The following EHF variants were observed in gnomAD, a reference collection of about 807,000 sequenced individuals.
EHF encodes the protein ESE3 transcription factor.
Under a neutral mutation model 45.1 loss-of-function variants are expected in EHF, and 14 were observed. That is an observed-to-expected ratio of 0.31 (90% CI 0.21 to 0.49). The LOEUF (loss-of-function observed/expected upper bound fraction) is 0.49. EHF is among the 20% of genes least tolerant of loss of function. The probability of loss-of-function intolerance (pLI) is 0.99; values close to 1 mark genes in which losing one functional copy is unlikely to be tolerated. For synonymous variants in EHF, 136 were observed against 131.8 expected (o/e 1.03, Z -0.22); for missense variants, 282 against 371.4 (o/e 0.76, Z 1.98).
intron 1 of EHF, chr11:34,622,315 G>T (rs1237690152): frequency 2.6e-6 from 2 of 757,330 alleles, no homozygotes; most frequent in East Asian, 7.5e-5. Flanking sequence ...GTCTCTGCTG[G>T]TTATCTGCAC....
chr11:34,646,843 G>C, intron 3 of EHF, 159 bp downstream of exon 3: 1 of 963,074 alleles, frequency 1.0e-6, no homozygotes. Flanking sequence ...AAGATGAAAG[G>C]ACAGGATTGA....
rs1840893750 is a variant in EHF, at chr11:34,641,531, G to A, written c.-3-1097G>A. 2.0e-5 allele frequency among the ~76,000 whole-genome samples: 3 copies of A among 152,260 alleles called. No individual in the cohort carries two copies. The South Asian group carries it at 6.2e-4, about 32-fold the overall frequency. On this transcript the variant is annotated intron_variant, in intron 1 of 8. Coordinates refer to ENST00000257831, the MANE Select transcript of EHF (RefSeq NM_012153.6). ...GTGGACATTGGTAATACCCGAGGAT[G>A]CAAAATTTCCCCAAAACAAGCAGAA... is the stretch of plus-strand genomic sequence containing the variant.
intron 1 of EHF, among the ~76,000 whole-genome samples, chr11:34,637,353 T>C (rs1853538421): frequency 6.6e-6 from 1 of 152,156 alleles, no homozygotes; most frequent in Non-Finnish European, 1.5e-5. Context: ...CTGGGATGTG[T>C]CTCTGTGTGG....
At chr11:34,624,375 C>T (rs920818875) in intron 1 of EHF, 15 of 932,610 alleles carry the variant, frequency 1.6e-5, no homozygotes, top group Non-Finnish European at 1.9e-5. Context: ...AGGGCAGCCA[C>T]ACCTTGCCCA....
chr11:34,647,049 A>T (rs184142618), intron 3 of EHF, among the ~76,000 whole-genome samples: 2 of 151,282 alleles, frequency 1.3e-5, no homozygotes, highest in Non-Finnish European at 2.9e-5. Context: ...GGTTACAAAA[A>T]AAAAAACAAA....
intron 1 of EHF, 41 bp from the exon 2 acceptor site, chr11:34,642,587 C>G: frequency 8.0e-7 from 1 of 1,251,830 alleles, no homozygotes; most frequent in Non-Finnish European, 1.2e-6. Context: ...GACATTTGTC[C>G]AAGAGGCACT....
intron 6 of EHF, among the ~76,000 whole-genome samples, chr11:34,653,024 G>A (rs182169506): frequency 1.3e-5 from 2 of 152,280 alleles, no homozygotes. Context: ...AGCCAACCGG[G>A]GTAAAATTTC....
At chr11:34,631,586 C>T in intron 1 of EHF, 1 of 984,714 alleles carries the variant, frequency 1.0e-6, no homozygotes, top group Non-Finnish European at 1.2e-6. Flanking sequence ...GGCCTCAAAT[C>T]TCTTGGCAGG....
At chr11:34,657,849 C>T (rs1227355566) in intron 7 of EHF, among the ~76,000 whole-genome samples, 1 of 146,064 alleles carries the variant, frequency 6.8e-6, no homozygotes, top group East Asian at 2.2e-4. Flanking sequence ...TTTATCTGCT[C>T]TTTCACATAA....
intron 4 of EHF, among the ~76,000 whole-genome samples, chr11:34,649,643 A>G (rs1191596830): frequency 6.6e-6 from 1 of 152,234 alleles, no homozygotes; most frequent in East Asian, 1.9e-4. Context: ...GGCTCTGAGC[A>G]GAGTCTACAG....
chr11:34,634,652 A>T (rs1456944042), intron 1 of EHF, among the ~76,000 whole-genome samples: 1 of 152,218 alleles, frequency 6.6e-6, no homozygotes. Flanking sequence ...ATAAACAATT[A>T]TGGACCAGTC....
intron 3 of EHF, among the ~76,000 whole-genome samples, chr11:34,648,333 A>G (rs1854781823): frequency 6.7e-6 from 1 of 150,084 alleles, no homozygotes; most frequent in Non-Finnish European, 1.5e-5. Context: ...GACTAGATTC[A>G]TATGCATTTA....
At chr11:34,651,689 T>C in intron 5 of EHF, 48 bp from the exon 6 acceptor site, 1 of 1,609,484 alleles carries the variant, frequency 6.2e-7, no homozygotes, top group Non-Finnish European at 8.5e-7. Context: ...TATTGTGAGG[T>C]GGGGGGAGGG....
chr11:34,627,222 G>A (rs1022684387), intron 1 of EHF, among the ~76,000 whole-genome samples: 1 of 152,014 alleles, frequency 6.6e-6, no homozygotes, highest in Admixed American at 6.6e-5. Context: ...GGGTAGCAGG[G>A]AGATGCATGA....
intron 1 of EHF, among the ~76,000 whole-genome samples, chr11:34,631,094 C>G (rs1270774535): frequency 6.6e-6 from 1 of 152,114 alleles, no homozygotes; most frequent in Non-Finnish European, 1.5e-5. Flanking sequence ...TGCAGTGGCA[C>G]AGTCATGGCT....
chr11:34,643,443 G>A (rs1854222843), intron 2 of EHF, among the ~76,000 whole-genome samples: 1 of 152,140 alleles, frequency 6.6e-6, no homozygotes, highest in East Asian at 1.9e-4. Flanking sequence ...AGTGAGTTTA[G>A]GGAGCTCTGG....
intron 7 of EHF, among the ~76,000 whole-genome samples, chr11:34,657,291 G>A (rs1017566243): frequency 1.3e-5 from 2 of 152,136 alleles, no homozygotes; most frequent in East Asian, 3.8e-4. Context: ...AGGGTGGGAA[G>A]AGGAGCGAGA....
chr11:34,634,033 G>T (rs1337872328), intron 1 of EHF, among the ~76,000 whole-genome samples: 1 of 152,168 alleles, frequency 6.6e-6, no homozygotes, highest in African/African-American at 2.4e-5. Flanking sequence ...CGTGAAAAAT[G>T]TCTGTTTCAA....
intron 1 of EHF, chr11:34,624,175 T>C (rs761050024): frequency 1.1e-5 from 6 of 569,390 alleles, no homozygotes; most frequent in Non-Finnish European, 1.1e-5. Flanking sequence ...TCTGGTAGAG[T>C]TGACGTGACA....
Sources: gnomAD v4.1 joint callset for allele counts (sites outside exome capture counted in the v4.1 genomes callset) on GRCh38, gnomAD v4.1.1 for gene constraint, MANE v1.5 for transcripts, NCBI Gene and HGNC (gene_info 2026-07-23, HGNC 2026-07-21) for gene names.